The following ELK3 variants were observed in gnomAD, a reference collection of about 807,000 sequenced individuals.
ELK3 encodes the protein ETS domain-containing protein Elk-3.
In ELK3, 10 loss-of-function variants were observed where a neutral mutation model predicts 28.9. That is an observed-to-expected ratio of 0.35 (90% CI 0.21 to 0.59). The LOEUF (loss-of-function observed/expected upper bound fraction) is 0.59. Ranked by LOEUF, ELK3 falls within the 20% of genes least tolerant of loss-of-function variation. ELK3 has a pLI of 0.82. For missense variants in ELK3, 463 were observed against 517.3 expected (o/e 0.90, Z 1.02); for synonymous variants, 272 against 243.5 (o/e 1.12, Z -1.09).
chr12:96,213,275 AC>A (rs1951589176), intron 1 of ELK3, among the ~76,000 whole-genome samples: 1 of 152,150 alleles, frequency 6.6e-6, no homozygotes, highest in South Asian at 2.1e-4. Context: ...TTATTTCTTT[AC>A]CCTGCAGATT....
rs952620875 is a variant in ELK3 at position 96,253,846 on chromosome 12, C to T, written c.1003-5885C>T. 4.6e-5 allele frequency among the ~76,000 whole-genome samples: 7 copies of T among 152,192 alleles called. 1 individual carries two copies. The highest frequency in any genetic ancestry group is 8.8e-5 in the Non-Finnish European group (6 of 68,034). On this transcript the variant is annotated intron_variant, in intron 3 of 4. Transcript: ENST00000228741. Reference sequence around the variant, plus strand: ...TGGGAGATAATCACTGAAAACTAAGCATTCGCTTAGATACCTGGAGATACA... The same window carrying T: ...TGGGAGATAATCACTGAAAACTAAGTATTCGCTTAGATACCTGGAGATACA...
intron 4 of ELK3, among the ~76,000 whole-genome samples, chr12:96,262,055 G>A (rs893779003): frequency 2.2e-5 from 3 of 137,556 alleles, no homozygotes; most frequent in Non-Finnish European, 4.6e-5. Context: ...GTCTCACTCT[G>A]TTGCCCAGGC....
chr12:96,202,804 A>C (rs1165064425), intron 1 of ELK3, among the ~76,000 whole-genome samples: 1 of 150,890 alleles, frequency 6.6e-6, no homozygotes, highest in Non-Finnish European at 1.5e-5. Flanking sequence ...TGGGATTACA[A>C]GTGTGAGCCA....
At position 96,233,793 on chromosome 12, in the gene ELK3, T is replaced by C. The variant is rs1037936945; in HGVS notation, c.207+10020T>C. On this transcript the variant is annotated intron_variant, in intron 2 of 4. Transcript: ENST00000228741. ...CTTTCTAGAACACCTCTGTTGGTCA[T>C]GGAATGTTAGGGAAGACCTGGACTC... is the stretch of plus-strand genomic sequence containing the variant. Among the ~76,000 whole-genome samples the C allele has an allele frequency of 2.0e-5, 3 of 152,212 alleles. No homozygotes were observed. In the East Asian group the frequency reaches 5.8e-4, roughly 29 times the overall value.
intron 1 of ELK3, among the ~76,000 whole-genome samples, chr12:96,209,122 GAGAC>G (rs1218087185): frequency 6.6e-6 from 1 of 152,256 alleles, no homozygotes; most frequent in Non-Finnish European, 1.5e-5. Context: ...GTGCAAAACA[GAGAC>G]AGGGCAGACG....
At chr12:96,248,708 C>T (rs773925514) in intron 3 of ELK3, among the ~76,000 whole-genome samples, 1 of 152,158 alleles carries the variant, frequency 6.6e-6, no homozygotes, top group Non-Finnish European at 1.5e-5. Flanking sequence ...GTAATCTCAT[C>T]GTAGTTGTCC....
At position 96,247,849 on chromosome 12, in the gene ELK3, C is replaced by A; in HGVS notation, c.1002+115C>A. On this transcript the variant is annotated intron_variant, in intron 3 of 4. Coordinates refer to ENST00000228741, the MANE Select transcript of ELK3 (RefSeq NM_005230.4). This position sits in a 1 kb window ranked among gnomAD's most constrained non-coding sequence, Gnocchi z 5.5. ...TCAAAACGTTGTCCTATGACTCGTA[C>A]CGAGGTCACTGTGTAAATGTGAAGG... 7.9e-7 allele frequency: 1 copy of A among 1,262,894 alleles called. No homozygotes were observed. The highest frequency in any genetic ancestry group is 1.1e-6 in the Non-Finnish European group (1 of 943,842). The allele number at this position is 1,262,894 out of a possible 1,614,324, so 78.2% of individuals were successfully genotyped here. A position where few individuals can be genotyped will look rare whatever the true frequency, so the allele number is the denominator to read the frequency against.
chr12:96,225,733 A>C (rs1321205006), intron 2 of ELK3, among the ~76,000 whole-genome samples: 1 of 152,078 alleles, frequency 6.6e-6, no homozygotes, highest in African/African-American at 2.4e-5. Flanking sequence ...GCACACACAC[A>C]CCCTGCCTTC....
chr12:96,198,044 T>G (rs1363635869), intron 1 of ELK3: 1 of 152,200 alleles, frequency 6.6e-6, no homozygotes, highest in Non-Finnish European at 1.5e-5. Context: ...TATGGTGCTG[T>G]GAAATGTTGC....
At chr12:96,258,268 A>C (rs1317490806) in intron 3 of ELK3, among the ~76,000 whole-genome samples, 3 of 152,254 alleles carry the variant, frequency 2.0e-5, no homozygotes. Flanking sequence ...TGGGAAGCTT[A>C]TTCAAAACAT....
intron 1 of ELK3, among the ~76,000 whole-genome samples, chr12:96,213,537 G>T (rs1951590583): frequency 2.0e-5 from 3 of 152,146 alleles, no homozygotes; most frequent in Admixed American, 2.0e-4. Flanking sequence ...CATTTTCTCA[G>T]CCAGTGTTAA....
chr12:96,220,134 G>A (rs935974642), intron 1 of ELK3, among the ~76,000 whole-genome samples: 5 of 152,168 alleles, frequency 3.3e-5, no homozygotes, highest in East Asian at 3.9e-4. Context: ...TTCTCTAGGC[G>A]AGTTCCTTTA....
At chr12:96,211,029 C>T (rs977251905) in intron 1 of ELK3, among the ~76,000 whole-genome samples, 1 of 152,154 alleles carries the variant, frequency 6.6e-6, no homozygotes, top group Non-Finnish European at 1.5e-5. Context: ...CTCTGTTGGC[C>T]CATTTTACCC....
chr12:96,197,249 G>C (rs1017857025), intron 1 of ELK3, among the ~76,000 whole-genome samples: 1 of 152,144 alleles, frequency 6.6e-6, no homozygotes, highest in African/African-American at 2.4e-5. Flanking sequence ...TTACCTCCCA[G>C]GAGACATTTG....
intron 2 of ELK3, among the ~76,000 whole-genome samples, chr12:96,243,022 C>A (rs564660589): frequency 1.3e-4 from 20 of 152,322 alleles, no homozygotes; most frequent in Non-Finnish European, 2.5e-4. Context: ...TACTGAAGGG[C>A]CCTTCCCAGT....
intron 2 of ELK3, among the ~76,000 whole-genome samples, chr12:96,242,043 C>T (rs1292361332): frequency 6.6e-6 from 1 of 152,242 alleles, no homozygotes; most frequent in Non-Finnish European, 1.5e-5. Context: ...GCTGGAGATG[C>T]ACTCAGCTCC....
chr12:96,229,471 G>A (rs542875409), intron 2 of ELK3, among the ~76,000 whole-genome samples: 1 of 150,362 alleles, frequency 6.7e-6, no homozygotes, highest in Non-Finnish European at 1.5e-5. Context: ...CACTCGGATC[G>A]CTGCCCCCAT....
intron 2 of ELK3, among the ~76,000 whole-genome samples, chr12:96,230,858 G>A (rs12426621): frequency 0.096 from 14,588 of 152,250 alleles, 797 homozygotes; most frequent in Middle Eastern, 0.14. Context: ...TTCCGCATCC[G>A]AGCTCCACCA....
At chr12:96,202,243 A>C (rs191907853) in intron 1 of ELK3, among the ~76,000 whole-genome samples, 1 of 152,026 alleles carries the variant, frequency 6.6e-6, no homozygotes, top group East Asian at 1.9e-4. Flanking sequence ...AAAACCCCTA[A>C]CTCAAGCTGC....
Sources: gnomAD v4.1 joint callset for allele counts (sites outside exome capture counted in the v4.1 genomes callset) on GRCh38, gnomAD v4.1.1 for gene constraint, Gnocchi (gnomAD v3.1) non-coding constraint, MANE v1.5 for transcripts, NCBI Gene and HGNC (gene_info 2026-07-23, HGNC 2026-07-21) for gene names.